Variants in IGFLR1 observed in about 807,000 individuals in gnomAD.
IGFLR1 encodes the protein IGF like family receptor 1, also known as IGF-like family receptor 1.
A neutral mutation model predicts 23.4 loss-of-function variants in IGFLR1; 17 were observed. The ratio of observed to expected loss-of-function variants is 0.73; its 90% CI spans 0.50 to 1.09. The LOEUF is 1.09. IGFLR1 is among the 50% of genes least tolerant of loss of function. The probability of loss-of-function intolerance (pLI) is 0.00; values close to 1 mark genes in which losing one functional copy is unlikely to be tolerated. For synonymous variants in IGFLR1, 265 were observed against 210.7 expected (o/e 1.26, Z -2.23); for missense variants, 556 against 459.2 (o/e 1.21, Z -1.93).
chr19:35,739,979 T>G lies in IGFLR1; in HGVS notation c.452A>C (p.Glu151Ala). 3 of 1,614,076 alleles carry G rather than the reference T, an allele frequency of 1.9e-6. No homozygotes were observed. Among genetic ancestry groups the G allele is most frequent in the Non-Finnish European group, 2.5e-6 (3 of 1,179,996 alleles). The part of the protein sequence containing the change: ...PASSIAWRTP[E>A]PVPQQAWPNF... ...CGGCCAGGCCTGCTGAGGGACAGGC[T>G]CAGGGGTCCTCCAGGCAATGGAACT... The change falls in exon 4 of 5, where the codon GAG (glutamate) becomes GCG (alanine). Residue 151 changes from glutamate to alanine, a missense_variant. Physicochemically the swap from Glu to Ala is moderately radical, Grantham distance 107 (BLOSUM62 -1). Coordinates refer to ENST00000246532, the MANE Select transcript of IGFLR1 (RefSeq NM_024660.4).
Position 35,739,430 on chromosome 19 carries a change from GCGACT to G in IGFLR1, c.913_917del (p.Ser305LeufsTer8). On this transcript the variant is annotated frameshift_variant, in exon 5 of 5. Coordinates refer to ENST00000246532, the MANE Select transcript of IGFLR1 (RefSeq NM_024660.4). LOFTEE classifies it low-confidence loss of function (END_TRUNC). ...TCTCAATCAGAGCCCGCAGCGGCGA[GCGACT>G]CGGCCTCAGCGAATAGGCAAAGGTG... is the stretch of plus-strand genomic sequence containing the variant. 6.2e-7 allele frequency: 1 copy of G among 1,613,906 alleles called. No homozygotes were observed. The highest frequency in any genetic ancestry group is 1.3e-5 in the African/African-American group (1 of 75,054).
At position 35,739,690 on chromosome 19, in the gene IGFLR1, G is replaced by A. The variant is rs1035044660; in HGVS notation, c.721+20C>T. On this transcript the variant is annotated intron_variant, in intron 4 of 4. Transcript: ENST00000246532. ...GCGTCCAGTCCACCTTCCCTGCCCC[G>A]GGGCTCCTCCAGGACTAACCCCTGC... is the stretch of plus-strand genomic sequence containing the variant. 2 of 1,560,552 alleles carry A rather than the reference G, an allele frequency of 1.3e-6. No homozygotes were observed. The highest frequency in any genetic ancestry group is 2.7e-5 in the African/African-American group (2 of 73,724).
chr19:35,740,480 C>A lies in IGFLR1; in HGVS notation c.242G>T (p.Cys81Phe), dbSNP rs140154415. The A allele has an allele frequency of 4.5e-4, 718 of 1,613,104 alleles. No homozygotes were observed. Among genetic ancestry groups the A allele is most frequent in the Non-Finnish European group, 5.7e-4 (670 of 1,179,882 alleles). Residue 81 changes from cysteine to phenylalanine, a missense_variant, in exon 3 of 5, where the codon TGC becomes TTC. Coordinates refer to ENST00000246532, the MANE Select transcript of IGFLR1 (RefSeq NM_024660.4). ...ACATAGCTCCGCGCCGTCGGGGTTG[C>A]ACTGCCCAGAAGAACACTTTCGGAA... ...PPFRKCSSGQ[C>F]NPDGAELCSP...
At chr19:35,741,657 CAAA>C (rs35356311) in intron 1 of IGFLR1, 10 of 86,068 alleles carry the variant, frequency 1.2e-4, no homozygotes, top group East Asian at 6.5e-4. Context: ...CCCATCTTTA[CAAA>C]AAAAAAAAAA....
rs746074782 is a variant in IGFLR1 at position 35,741,045 on chromosome 19, A to G, written c.136T>C (p.Phe46Leu). The G allele has an allele frequency of 1.2e-6, 2 of 1,610,344 alleles. No individual in the cohort carries two copies. Among genetic ancestry groups the G allele is most frequent in the Admixed American group, 1.7e-5 (1 of 59,496 alleles). Residue 46 changes from phenylalanine to leucine, a missense_variant, in exon 2 of 5, where the codon TTC (phenylalanine) becomes CTC (leucine). Transcript: ENST00000246532. ...TCACCCGGGCAGGGGGGCGGCCCGA[A>G]GCGTTGCAGGCAGCTGCTGCAGCAC... is the stretch of plus-strand genomic sequence containing the variant. Reference protein sequence around the residue: ...NKCCSSCLQRFGPPPCPDYEF... With the variant: ...NKCCSSCLQRLGPPPCPDYEF...
At chr19:35,740,923 TA>T in intron 2 of IGFLR1, 100 bp downstream of exon 2, 1 of 1,171,492 alleles carries the variant, frequency 8.5e-7, no homozygotes, top group Non-Finnish European at 1.2e-6. Context: ...CTTAGACCCC[TA>T]AGCAAGCCTC....
At position 35,742,386 on chromosome 19, in the gene IGFLR1, C is replaced by A; in HGVS notation, c.-44+10G>T. On this transcript the variant is annotated intron_variant, in intron 1 of 4. Coordinates refer to ENST00000246532, the MANE Select transcript of IGFLR1 (RefSeq NM_024660.4). Reference sequence around the variant, plus strand: ...TTTTCAGCACAAAGGTGTCCCCACCCTACCAGTACCGTTAGGGTCCTGGGT... The same window carrying A: ...TTTTCAGCACAAAGGTGTCCCCACCATACCAGTACCGTTAGGGTCCTGGGT... 1 of 1,526,290 alleles carries A rather than the reference C, an allele frequency of 6.6e-7. No homozygotes were observed. The highest frequency in any genetic ancestry group is 1.2e-5 in the South Asian group (1 of 83,054). The allele number at this position is 1,526,290 out of a possible 1,614,324, so 94.5% of individuals were successfully genotyped here. A position where few individuals can be genotyped will look rare whatever the true frequency, so the allele number is the denominator to read the frequency against.
Position 35,740,571 on chromosome 19 carries a change from G to A in IGFLR1, c.158-7C>T, listed in dbSNP as rs1970158741. 1 of 1,595,936 alleles carries A rather than the reference G, an allele frequency of 6.3e-7. No individual in the cohort carries two copies. The highest frequency in any genetic ancestry group is 8.5e-7 in the Non-Finnish European group (1 of 1,169,984). On this transcript the variant is annotated splice_region_variant and splice_polypyrimidine_tract_variant and intron_variant, in intron 2 of 4. Transcript: ENST00000246532. ...TTTTCCCGGAACTCATAGTCTAGCG[G>A]GAAAGCTGCGCTCCAGTGCGGCCGC...
At chr19:35,740,981 C>A (rs1025634130) in intron 2 of IGFLR1, 43 bp downstream of exon 2, 1 of 1,593,678 alleles carries the variant, frequency 6.3e-7, no homozygotes, top group African/African-American at 1.3e-5. Context: ...CTCCCTATCA[C>A]CTGCAAGCTC....
Position 35,739,353 on chromosome 19 carries a change from A to C in IGFLR1, c.995T>G (p.Leu332Arg). The change falls in exon 5 of 5, where the codon CTC becomes CGC. Residue 332 changes from leucine to arginine, a missense_variant. Coordinates refer to ENST00000246532, the MANE Select transcript of IGFLR1 (RefSeq NM_024660.4). Reference protein sequence around the residue: ...SASLGQLGTHLAQLGRADALR... With the variant: ...SASLGQLGTHRAQLGRADALR... ...TGCATCTGCCCGCCCTAGCTGGGCG[A>C]GGTGTGTGCCAAGCTGGCCCAGGGA... 1.2e-6 allele frequency: 2 copies of C among 1,611,234 alleles called. No individual in the cohort carries two copies.
At chr19:35,742,255 A>AC (rs1970290171) in intron 1 of IGFLR1, 141 bp downstream of exon 1, 1 of 587,362 alleles carries the variant, frequency 1.7e-6, no homozygotes, top group Admixed American at 3.5e-5. Context: ...ACCTCCCAGC[A>AC]CCTCACCTCA....
Position 35,741,100 on chromosome 19 carries a change from G to C in IGFLR1, c.81C>G (p.Gly27=). The C allele has an allele frequency of 6.2e-7, 1 of 1,604,886 alleles. No homozygotes were observed. The highest frequency in any genetic ancestry group is 8.5e-7 in the Non-Finnish European group (1 of 1,174,284). The change falls in exon 2 of 5, where the codon GGC becomes GGG. Residue 27 remains glycine (G), a synonymous_variant. Transcript: ENST00000246532. ...APPPEASQYC[G]RLEYWNPDNK... ...TGTCTGGGTTCCAGTATTCAAGGCG[G>C]CCGCAGTACTGGGAGGCTTCCGGCG... is the stretch of plus-strand genomic sequence containing the variant.
intron 3 of IGFLR1, 31 bp from the exon 4 acceptor site, chr19:35,740,119 G>T (rs753954347): frequency 6.3e-6 from 10 of 1,582,844 alleles, no homozygotes; most frequent in Non-Finnish European, 8.6e-6. Flanking sequence ...TAAAGCTGGA[G>T]GCCACACTCC....
Position 35,740,034 on chromosome 19 carries a change from G to A in IGFLR1, c.397C>T (p.Pro133Ser). 1 of 1,613,942 alleles carries A rather than the reference G, an allele frequency of 6.2e-7. No individual in the cohort carries two copies. Among genetic ancestry groups the A allele is most frequent in the Non-Finnish European group, 8.5e-7 (1 of 1,179,950 alleles). The stretch of plus-strand genomic sequence containing the variant: ...GGTGAGCTGCGCTCCTGGGAGCTAG[G>A]GGCGCCTGGGTTTCCAGGTGTGAGG... The part of the protein sequence containing the change: ...CPLTPGNPGA[P>S]SSQERSSPAS... Residue 133 changes from proline to serine, a missense_variant, in exon 4 of 5, where the codon CCT becomes TCT. Coordinates refer to ENST00000246532, the MANE Select transcript of IGFLR1 (RefSeq NM_024660.4).
intron 2 of IGFLR1, 182 bp downstream of exon 2, chr19:35,740,842 C>T (rs1330797930): frequency 6.0e-6 from 4 of 669,168 alleles, no homozygotes; most frequent in East Asian, 2.8e-5. Context: ...TTCGCTGTTG[C>T]CCTACGGTAG....
rs1970034032 is a variant in IGFLR1 at position 35,739,025 on chromosome 19, AC to A, written c.*254del. 2 of 534,152 alleles carry A rather than the reference AC, an allele frequency of 3.7e-6. No homozygotes were observed. The highest frequency in any genetic ancestry group is 3.3e-6 in the Non-Finnish European group (1 of 302,874). 33.1% of individuals were successfully genotyped at this position (534,152 alleles called of 1,614,324 possible). ...TTAGAAGTCAGTCATGGGGTCTGTTACGGCTTCAGAACAACACAACACAGCA... is the reference window on the plus strand; with the variant it reads ...TTAGAAGTCAGTCATGGGGTCTGTTAGGCTTCAGAACAACACAACACAGCA... On this transcript the variant is annotated 3_prime_UTR_variant, in exon 5 of 5. Transcript: ENST00000246532.
chr19:35,741,008 G>C lies in IGFLR1; in HGVS notation c.157+16C>G. The stretch of plus-strand genomic sequence containing the variant: ...TGCAAGCTCCGCCCAAGCAAGGCTC[G>C]GTCTCGGATTCTCACCCGGGCAGGG... On this transcript the variant is annotated intron_variant, in intron 2 of 4. Transcript: ENST00000246532. The C allele has an allele frequency of 1.2e-6, 2 of 1,610,262 alleles. No individual in the cohort carries two copies. The highest frequency in any genetic ancestry group is 1.7e-6 in the Non-Finnish European group (2 of 1,178,756).
chr19:35,739,788 A>G lies in IGFLR1; in HGVS notation c.643T>C (p.Ser215Pro). 6.3e-7 allele frequency: 1 copy of G among 1,575,400 alleles called. No individual in the cohort carries two copies. ...AGGGCGCCTGGGGAGGACAGATGCG[A>G]GGAGGAAGGGGTGTGGGTGTTGGGG... is the stretch of plus-strand genomic sequence containing the variant. ...GVPNTHTPSS[S>P]HLSSPGALET... is the part of the protein sequence containing the mutation. The change falls in exon 4 of 5, where the codon TCG becomes CCG. Residue 215 changes from serine to proline, a missense_variant. Physicochemically the swap from Ser to Pro is moderately conservative, Grantham distance 74. Transcript: ENST00000246532.
chr19:35,741,337 G>A, intron 1 of IGFLR1, 114 bp from the exon 2 acceptor site: 2 of 1,100,524 alleles, frequency 1.8e-6, no homozygotes, highest in Non-Finnish European at 2.6e-6. Flanking sequence ...TCCCCCAACT[G>A]AGCCGGTTAT....
Sources: allele counts gnomAD v4.1 joint callset, GRCh38; gene constraint gnomAD v4.1.1; transcripts MANE v1.5; gene names NCBI Gene and HGNC (gene_info 2026-07-23, HGNC 2026-07-21).